The following CEP85L variants were observed in gnomAD, a reference collection of about 807,000 sequenced individuals.
CEP85L encodes centrosomal protein of 85 kDa-like.
In CEP85L, 60 loss-of-function variants were observed where a neutral mutation model predicts 100.3. The ratio of observed to expected loss-of-function variants is 0.60; its 90% confidence interval spans 0.49 to 0.74. The LOEUF (loss-of-function observed/expected upper bound fraction) is 0.74, where lower values mean the gene tolerates loss of function less well. CEP85L is among the 30% of genes least tolerant of loss of function. CEP85L has a pLI of 0.00. For missense variants in CEP85L, 973 were observed against 936.2 expected, an observed-to-expected ratio of 1.04 and a Z score of -0.51; for synonymous variants, 319 against 322.7, an observed-to-expected ratio of 0.99 and a Z score of 0.12.
intron 5 of CEP85L, 88 bp downstream of exon 5, chr6:118,511,210 A>T (rs1189997231): frequency 1.2e-6 from 1 of 824,026 alleles, no homozygotes; most frequent in African/African-American, 1.7e-5. Context: ...TATTAAGTTG[A>T]TTTAAAATGT....
At chr6:118,566,481 G>A (rs1259995645) in intron 2 of CEP85L, among the ~76,000 whole-genome samples, 165 bp from the exon 3 acceptor site, 1 of 152,060 alleles carries the variant, frequency 6.6e-6, no homozygotes, top group Non-Finnish European at 1.5e-5. Flanking sequence ...GCAGTGGCAA[G>A]ATCTCGGCTC....
rs1015193083 is a variant in CEP85L at position 118,537,774 on chromosome 6, T to C, written c.1021-13854A>G. The C allele has an allele frequency of 1.0e-5, 10 of 985,264 alleles. No individual in the cohort carries two copies. In the Admixed American group the frequency reaches 1.8e-4, roughly 18 times the overall value. The allele number at this position is 985,264 out of a possible 1,614,324, so 61.0% of individuals were successfully genotyped here. ...CCAGTGCTACCACACTTGACTGGAATACAACCTCTGCAATTCTTCAAGTTT... is the reference window on the plus strand; with the variant it reads ...CCAGTGCTACCACACTTGACTGGAACACAACCTCTGCAATTCTTCAAGTTT... On this transcript the variant is annotated intron_variant, in intron 3 of 12. Coordinates refer to ENST00000368491, the MANE Select transcript of CEP85L (RefSeq NM_001042475.3).
At chr6:118,550,616 C>T (rs1041421653) in intron 3 of CEP85L, among the ~76,000 whole-genome samples, 8 of 151,800 alleles carry the variant, frequency 5.3e-5, no homozygotes, top group Non-Finnish European at 1.2e-4. Context: ...CTCAAGATCA[C>T]AGAACTAAGA....
intron 1 of CEP85L, among the ~76,000 whole-genome samples, chr6:118,695,611 C>T (rs1179718011): frequency 6.6e-6 from 1 of 152,198 alleles, no homozygotes; most frequent in Non-Finnish European, 1.5e-5. Context: ...TTGAGAACTA[C>T]TGGTTCAGAG....
intron 3 of CEP85L, among the ~76,000 whole-genome samples, chr6:118,542,919 A>AAAAAAAC (rs1562245143): frequency 6.6e-6 from 1 of 150,750 alleles, no homozygotes; most frequent in African/African-American, 2.4e-5. Context: ...AAAAAAAAAA[A>AAAAAAAC]AAAACAGGAT....
At chr6:118,651,728 C>T (rs1307970829), upstream of CEP85L, 2 of 984,838 alleles carry the variant, frequency 2.0e-6, no homozygotes, top group East Asian at 2.3e-4. Flanking sequence ...GGCGGGTGAG[C>T]TACCCCGACC....
intron 2 of CEP85L, among the ~76,000 whole-genome samples, chr6:118,580,770 G>A (rs149208806): frequency 7.4e-4 from 112 of 152,284 alleles, no homozygotes; most frequent in Non-Finnish European, 1.3e-3. Context: ...TCAGCTATCC[G>A]GTCATGAAAC....
chr6:118,646,780 T>G (rs1775227815), intron 1 of CEP85L: 1 of 281,046 alleles, frequency 3.6e-6, no homozygotes, highest in Non-Finnish European at 5.4e-6. Flanking sequence ...GAAGACTTTA[T>G]GTCTTCATCA....
chr6:118,573,115 T>C (rs909812124), intron 2 of CEP85L, among the ~76,000 whole-genome samples: 3 of 152,140 alleles, frequency 2.0e-5, no homozygotes, highest in Non-Finnish European at 2.9e-5. Context: ...AGGGCTTACA[T>C]TTCACAGCTG....
chr6:118,465,657 A>C, intron 12 of CEP85L, 89 bp from the exon 13 acceptor site: 2 of 1,213,142 alleles, frequency 1.6e-6, no homozygotes, highest in Non-Finnish European at 2.3e-6. Context: ...ATGGAAATAC[A>C]GTGCTACACA....
rs374099847 is a variant in CEP85L at position 118,481,842 on chromosome 6, T to A, written c.1682A>T (p.Asp561Val). The change falls in exon 8 of 13, where the codon GAT (aspartate) becomes GTT (valine). Residue 561 changes from aspartate (D) to valine (V), a missense_variant. Around this residue, in one of 3 missense-constraint regions of CEP85L, gnomAD observed 890 missense variants for 844.5 expected, o/e 1.05. Transcript: ENST00000368491. ...KLEEIKKQCQ[D>V]KETQLICQKK... ...CTGGCATATTAACTGTGTCTCTTTA[T>A]CTTGACACTGCTTTTTGATCTCTTC... is the stretch of plus-strand genomic sequence containing the variant. The A allele has an allele frequency of 4.4e-5, 71 of 1,599,272 alleles. No homozygotes were observed. The African/African-American group carries it at 9.0e-4, about 20-fold the overall frequency.
chr6:118,630,776 G>C (rs1165272869), intron 2 of CEP85L, among the ~76,000 whole-genome samples: 1 of 152,214 alleles, frequency 6.6e-6, no homozygotes, highest in Non-Finnish European at 1.5e-5. Flanking sequence ...TGGGAGCCCA[G>C]CTGCACAGCA....
At chr6:118,600,454 G>A (rs992136300) in intron 2 of CEP85L, among the ~76,000 whole-genome samples, 1 of 151,318 alleles carries the variant, frequency 6.6e-6, no homozygotes, top group Non-Finnish European at 1.5e-5. Flanking sequence ...TCTGCTGTAG[G>A]TGGGACTCAG....
intron 6 of CEP85L, among the ~76,000 whole-genome samples, chr6:118,490,723 CTG>C (rs1216448788): frequency 6.6e-6 from 1 of 152,158 alleles, no homozygotes; most frequent in Non-Finnish European, 1.5e-5. Flanking sequence ...AATAGATACA[CTG>C]TAGTATATCT....
intron 2 of CEP85L, among the ~76,000 whole-genome samples, chr6:118,631,788 T>A (rs1252306934): frequency 1.3e-5 from 2 of 151,756 alleles, no homozygotes; most frequent in Non-Finnish European, 2.9e-5. Flanking sequence ...CTTCCAAGAG[T>A]TAAGAGATAA....
chr6:118,502,516 G>T, intron 5 of CEP85L: 1 of 496,836 alleles, frequency 2.0e-6, no homozygotes. Flanking sequence ...GAGCCAGCAG[G>T]ACATTTGGAC....
chr6:118,655,974 C>G (rs987896586), upstream of CEP85L, among the ~76,000 whole-genome samples: 1 of 152,190 alleles, frequency 6.6e-6, no homozygotes, highest in Non-Finnish European at 1.5e-5. Context: ...AAGCCCATGC[C>G]TTTTCCGCCA....
At chr6:118,479,024 A>G (rs556099770) in intron 10 of CEP85L, among the ~76,000 whole-genome samples, 1 of 152,286 alleles carries the variant, frequency 6.6e-6, no homozygotes, top group East Asian at 1.9e-4. Context: ...AGTGAAATGG[A>G]AATTCCTTGA....
At position 118,565,824 on chromosome 6, in the gene CEP85L, G is replaced by A; in HGVS notation, c.725C>T (p.Ala242Val). 6.2e-7 allele frequency: 1 copy of A among 1,614,038 alleles called. No homozygotes were observed. Among genetic ancestry groups the A allele is most frequent in the South Asian group, 1.1e-5 (1 of 91,082 alleles). The change falls in exon 3 of 13, where the codon GCC (alanine) becomes GTC (valine). Residue 242 changes from alanine (A) to valine (V), a missense_variant. This residue lies in a region of CEP85L where 890 missense variants were observed against 844.5 expected (regional missense o/e 1.05). Transcript: ENST00000368491. The stretch of plus-strand genomic sequence containing the variant: ...CTGTCTCCTAAGAGTAGAGGAAGAG[G>A]CTCTAAAGTCCTCCTTGCTACAGCT... The part of the protein sequence containing the change: ...FESCSKEDFR[A>V]SSSTLRRQPV...
Sources: gnomAD v4.1 joint callset for allele counts (sites outside exome capture counted in the v4.1 genomes callset) on GRCh38, gnomAD v4.1.1 for gene constraint, gnomAD v4.1.1 regional missense constraint, MANE v1.5 for transcripts, NCBI Gene and HGNC (gene_info 2026-07-23, HGNC 2026-07-21) for gene names.